CLEC17A: variants seen among roughly 807,000 people sequenced by gnomAD.
CLEC17A encodes the protein C-type lectin domain family 17, member A.
Under a neutral mutation model 61.3 loss-of-function variants are expected in CLEC17A, and 37 were observed. The ratio of observed to expected loss-of-function variants is 0.60; its 90% CI spans 0.46 to 0.79. The LOEUF is 0.79. Among genes scored for constraint, CLEC17A ranks in the 30% least tolerant of loss-of-function variants. The pLI, the probability that CLEC17A is intolerant of heterozygous loss-of-function variation, is 0.00. For synonymous variants in CLEC17A, 168 were observed against 164.9 expected (o/e 1.02, Z -0.14); for missense variants, 418 against 464.7 (o/e 0.90, Z 0.92).
upstream of CLEC17A, chr19:14,582,965 AT>A: frequency 1.8e-6 from 1 of 551,000 alleles, no homozygotes; most frequent in East Asian, 3.1e-5. Context: ...CTCTGTGTGT[AT>A]GTGTGTGTGT....
At chr19:14,586,997 A>T (rs1199484889) in intron 2 of CLEC17A, among the ~76,000 whole-genome samples, 2 of 148,774 alleles carry the variant, frequency 1.3e-5, no homozygotes, top group Admixed American at 1.4e-4. Flanking sequence ...CAAGTGATTC[A>T]CCTGCCTCAG....
In CLEC17A at chr19:14,586,341, C is replaced by T. The variant is rs529793289; in HGVS notation, c.122-1273C>T. On this transcript the variant is annotated intron_variant, in intron 2 of 13. Transcript: ENST00000417570. ...GTTTCTCCATGTTGGTCAGGCTGGT[C>T]TCGAACTCCCGACCTCAGGTGATCT... Among the ~76,000 whole-genome samples the T allele has an allele frequency of 5.8e-4, 88 of 152,208 alleles. 1 individual carries two copies. Among genetic ancestry groups the T allele is most frequent in the African/African-American group, 2.0e-3 (83 of 41,534 alleles).
At chr19:14,594,143 C>T (rs534037196) in intron 4 of CLEC17A, among the ~76,000 whole-genome samples, 3 of 151,564 alleles carry the variant, frequency 2.0e-5, no homozygotes, top group Admixed American at 1.3e-4. Flanking sequence ...GTTAGCTGGG[C>T]GTGGTAGCAT....
rs71166764 is a variant in CLEC17A at position 14,607,550 on chromosome 19, ATTATTTATTTATTTAT to A, written c.1004+474_1004+489del. ...AGCTCTACTTGTTTTATTTTATTTT[ATTATTTATTTATTTAT>A]TTATTTATTTATTTATTTATTTATT... On this transcript the variant is annotated intron_variant, in intron 13 of 13. Transcript: ENST00000417570. Among the ~76,000 whole-genome samples, 116 of 141,486 alleles carry A rather than the reference ATTATTTATTTATTTAT, an allele frequency of 8.2e-4. 3 individuals are homozygous for A. Among genetic ancestry groups the A allele is most frequent in the South Asian group, 3.8e-3 (17 of 4,522 alleles). 92.8% of individuals were successfully genotyped at this position (141,486 alleles called of 152,430 possible).
chr19:14,582,959 GTGTGTA>G (rs1191265590), upstream of CLEC17A: 2 of 571,454 alleles, frequency 3.5e-6, no homozygotes, highest in Non-Finnish European at 6.1e-6. Flanking sequence ...GAAAGGCTCT[GTGTGTA>G]TGTGTGTGTG....
rs1006043117 is a variant in CLEC17A, at chr19:14,611,522, C to T, written c.*1326C>T. 6.6e-6 allele frequency among the ~76,000 whole-genome samples: 1 copy of T among 151,756 alleles called. No homozygotes were observed. Among genetic ancestry groups the T allele is most frequent in the African/African-American group, 2.4e-5 (1 of 41,304 alleles). On this transcript the variant is annotated 3_prime_UTR_variant, in exon 14 of 14. Transcript: ENST00000417570. ...CCTCCCAAGTAGCTGGGACTACAGGCGTTCACCCTCACACCTGGCTGGCCC... is the reference window on the plus strand; with the variant it reads ...CCTCCCAAGTAGCTGGGACTACAGGTGTTCACCCTCACACCTGGCTGGCCC...
At chr19:14,591,898 A>ATGTGTGTGTGTGTG (rs747656450) in intron 3 of CLEC17A, among the ~76,000 whole-genome samples, 7,776 of 138,560 alleles carry the variant, frequency 0.056, 177 homozygotes, top group African/African-American at 0.069. Context: ...CCGGAGAAAA[A>ATGTGTGTGTGTGTG]TGTGTGTGTG....
chr19:14,595,719 ATGATGGTGGTGATGGTGGAGATAG>A (rs1269165586), intron 8 of CLEC17A, among the ~76,000 whole-genome samples: 62 of 138,360 alleles, frequency 4.5e-4, no homozygotes, highest in Non-Finnish European at 8.9e-4. Context: ...GGAGATACTG[ATGATGGTGGTGATGGTGGAGATAG>A]TGATGGTGTT....
At position 14,607,023 on chromosome 19, in the gene CLEC17A, C is replaced by T. The variant is rs761612815; in HGVS notation, c.925C>T (p.Arg309Trp). The stretch of plus-strand genomic sequence containing the variant: ...TGTGGCCAAGGCCCATGGCTCTCCA[C>T]GGGTGTACTGGCTGGGGCTGAATGA... ...NFVAKAHGSP[R>W]VYWLGLNDRA... The change falls in exon 13 of 14, where the codon CGG (arginine) becomes TGG (tryptophan). Residue 309 changes from arginine (R) to tryptophan (W), a missense_variant. Coordinates refer to ENST00000417570, the MANE Select transcript of CLEC17A (RefSeq NM_001204118.2). 3.2e-5 allele frequency: 42 copies of T among 1,319,234 alleles called. No homozygotes were observed. The highest frequency in any genetic ancestry group is 8.4e-5 in the South Asian group (4 of 47,786). The allele number at this position is 1,319,234 out of a possible 1,614,324, so 81.7% of individuals were successfully genotyped here.
rs879292426 is a variant in CLEC17A at position 14,592,852 on chromosome 19, A to G, written c.277+494A>G. Reference sequence around the variant, plus strand: ...GTTAACTTTTGTATTTTTAGTAGAGACCAGGGTTTCACCATATTGGCCAGG... The same window carrying G: ...GTTAACTTTTGTATTTTTAGTAGAGGCCAGGGTTTCACCATATTGGCCAGG... On this transcript the variant is annotated intron_variant, in intron 4 of 13. Transcript: ENST00000417570. Among the ~76,000 whole-genome samples, 4 of 151,790 alleles carry G rather than the reference A, an allele frequency of 2.6e-5. 1 individual carries two copies. The Middle Eastern group carries it at 0.014, about 516-fold the overall frequency.
Position 14,606,953 on chromosome 19 carries a change from T to C in CLEC17A, c.895-40T>C, listed in dbSNP as rs112977693. On this transcript the variant is annotated intron_variant, in intron 12 of 13. Coordinates refer to ENST00000417570, the MANE Select transcript of CLEC17A (RefSeq NM_001204118.2). ...GGGCAGGTCCTCACCCTGAGGGTCA[T>C]GTAGAGGAATGGCTGGCTGAATGGA... The C allele has an allele frequency of 6.4e-4, 692 of 1,088,612 alleles. 4 individuals carry two copies. In the African/African-American group the frequency reaches 6.9e-3, roughly 11 times the overall value. 67.4% of individuals were successfully genotyped at this position (1,088,612 alleles called of 1,614,324 possible).
At chr19:14,586,123 T>C (rs2074272716) in intron 2 of CLEC17A, among the ~76,000 whole-genome samples, 2 of 109,478 alleles carry the variant, frequency 1.8e-5, no homozygotes, top group African/African-American at 4.0e-5. Context: ...ATTTCTTTAC[T>C]TTTTTTTTTT....
rs540161894 is a variant in CLEC17A, at chr19:14,592,791, A to T, written c.277+433A>T. Among the ~76,000 whole-genome samples the T allele has an allele frequency of 2.2e-3, 329 of 151,924 alleles. 1 individual carries two copies. The highest frequency in any genetic ancestry group is 3.6e-3 in the Non-Finnish European group (246 of 67,968). ...GCAATTCTTTTGCCTCAGCCTCCCG[A>T]TTAGCTGGGATTGCAGGCGCCTGCT... On this transcript the variant is annotated intron_variant, in intron 4 of 13. Transcript: ENST00000417570.
chr19:14,607,307 G>T (rs537611709), intron 13 of CLEC17A, among the ~76,000 whole-genome samples: 69 of 151,604 alleles, frequency 4.6e-4, no homozygotes, highest in Admixed American at 3.4e-3. Flanking sequence ...CAGGTTCAAG[G>T]TATTCTCTGC....
Position 14,607,053 on chromosome 19 carries a change from G to C in CLEC17A, c.955G>C (p.Ala319Pro). Reference sequence around the variant, plus strand: ...GTACTGGCTGGGGCTGAATGACAGGGCCCAGGAAGGGGACTGGAGGTGGCT... The same window carrying C: ...GTACTGGCTGGGGCTGAATGACAGGCCCCAGGAAGGGGACTGGAGGTGGCT... ...RVYWLGLNDR[A>P]QEGDWRWLDG... The change falls in exon 13 of 14, where the codon GCC becomes CCC. Residue 319 changes from alanine to proline, a missense_variant. By Grantham distance (27) the Ala-to-Pro change is conservative. Coordinates refer to ENST00000417570, the MANE Select transcript of CLEC17A (RefSeq NM_001204118.2). 1 of 1,356,332 alleles carries C rather than the reference G, an allele frequency of 7.4e-7. No homozygotes were observed. Among genetic ancestry groups the C allele is most frequent in the South Asian group, 1.8e-5 (1 of 56,126 alleles). The allele number at this position is 1,356,332 out of a possible 1,614,324, so 84.0% of individuals were successfully genotyped here.
intron 2 of CLEC17A, among the ~76,000 whole-genome samples, chr19:14,585,292 C>T (rs1454844936): frequency 6.6e-6 from 1 of 152,290 alleles, no homozygotes; most frequent in African/African-American, 2.4e-5. Flanking sequence ...ACTACACCCT[C>T]CCGAGTAGCT....
intron 10 of CLEC17A, 169 bp from the exon 11 acceptor site, chr19:14,599,548 G>C: frequency 1.5e-6 from 1 of 688,650 alleles, no homozygotes; most frequent in South Asian, 1.5e-5. Flanking sequence ...AGCCATTCTC[G>C]GATTCTGAGC....
At chr19:14,584,377 A>G (rs2074239692) in intron 2 of CLEC17A, 1 of 152,114 alleles carries the variant, frequency 6.6e-6, no homozygotes, top group Non-Finnish European at 1.5e-5. Flanking sequence ...CTTGGGCAGC[A>G]TAGCGCGACT....
Position 14,583,360 on chromosome 19 carries a change from C to T in CLEC17A, c.47C>T (p.Thr16Ile). 2 of 1,600,964 alleles carry T rather than the reference C, an allele frequency of 1.2e-6. No homozygotes were observed. Among genetic ancestry groups the T allele is most frequent in the Non-Finnish European group, 1.7e-6 (2 of 1,172,730 alleles). The change falls in exon 2 of 14, where the codon ACC becomes ATC. Residue 16 changes from threonine (T) to isoleucine (I), a missense_variant. Coordinates refer to ENST00000417570, the MANE Select transcript of CLEC17A (RefSeq NM_001204118.2). The part of the protein sequence containing the change: ...SITGYPDPPG[T>I]MEEEEEDDDY... ...TGACTTGCCTTTCCCCTGGAAGGGACCATGGAGGAGGAGGAGGAGGATGAT... is the reference window on the plus strand; with the variant it reads ...TGACTTGCCTTTCCCCTGGAAGGGATCATGGAGGAGGAGGAGGAGGATGAT...
Sources: allele counts gnomAD v4.1 joint callset (sites outside exome capture counted in the v4.1 genomes callset), GRCh38; gene constraint gnomAD v4.1.1; transcripts MANE v1.5; gene names NCBI Gene and HGNC (gene_info 2026-07-23, HGNC 2026-07-21).